The following CACNA1C variants were observed in gnomAD, a reference collection of about 807,000 sequenced individuals.
CACNA1C encodes the protein calcium voltage-gated channel subunit alpha1 C.
CACNA1C carries 30 observed loss-of-function variants against 229.0 expected under a neutral mutation model. The observed-to-expected ratio is 0.13, with a 90% CI of 0.10 to 0.18. The LOEUF (loss-of-function observed/expected upper bound fraction) is 0.18, where lower values mean the gene tolerates loss of function less well. CACNA1C is among the 10% of genes least tolerant of loss of function. The pLI is 1.00. For synonymous variants in CACNA1C, 1,114 were observed against 1,132.5 expected, an observed-to-expected ratio of 0.98 and a Z score of 0.33; for missense variants, 1,658 against 2,845.0, an observed-to-expected ratio of 0.58 and a Z score of 9.49.
chr12:2,115,171 G>T, intron 1 of CACNA1C, 53 bp from the exon 2 acceptor site: 1 of 1,332,266 alleles, frequency 7.5e-7, no homozygotes, highest in Non-Finnish European at 1.0e-6. Context: ...AGTGTCGGAA[G>T]TGCCCCTGTT....
intron 7 of CACNA1C, among the ~76,000 whole-genome samples, chr12:2,497,352 T>G (rs1049266589): frequency 6.6e-6 from 1 of 152,182 alleles, no homozygotes; most frequent in Admixed American, 6.5e-5. Flanking sequence ...CCCCTGCTCA[T>G]GGGAAACAGA....
intron 1 of CACNA1C, among the ~76,000 whole-genome samples, chr12:2,017,608 C>G (rs2067490): frequency 0.31 from 47,380 of 151,684 alleles, 7,534 homozygotes; most frequent in Admixed American, 0.35. Flanking sequence ...TTGCCAGATA[C>G]CCACTAAACA....
chr12:2,418,177 C>T lies in CACNA1C; in HGVS notation c.478-30799C>T, dbSNP rs571287587. Among the ~76,000 whole-genome samples the T allele has an allele frequency of 6.0e-4, 91 of 152,284 alleles. 2 individuals are homozygous for T. In the South Asian group the frequency reaches 0.019, roughly 31 times the overall value. On this transcript the variant is annotated intron_variant, in intron 3 of 46. Coordinates refer to ENST00000399655, the MANE Select transcript of CACNA1C (RefSeq NM_000719.7). ...AACCCTAGCATTACGGCAGGCATCT[C>T]CCAGGCTGGCTTCTCCTGGGCTGCG...
At chr12:2,419,804 G>A (rs977091444) in intron 3 of CACNA1C, among the ~76,000 whole-genome samples, 21 of 152,194 alleles carry the variant, frequency 1.4e-4, no homozygotes, top group African/African-American at 4.6e-4. Context: ...CCCCCTAAGA[G>A]ATTTTGACTC....
intron 3 of CACNA1C, among the ~76,000 whole-genome samples, chr12:2,134,609 T>G (rs2093008415): frequency 7.3e-6 from 1 of 137,376 alleles, no homozygotes; most frequent in African/African-American, 2.7e-5. Context: ...GGAAATTCTT[T>G]TCTTTAAGAA....
chr12:2,295,192 G>T (rs1331746026), intron 3 of CACNA1C, among the ~76,000 whole-genome samples: 1 of 152,122 alleles, frequency 6.6e-6, no homozygotes, highest in Non-Finnish European at 1.5e-5. Context: ...ACATCCTTAA[G>T]CCCTTAGCAG....
At chr12:2,609,832 T>C (rs952391113) in intron 27 of CACNA1C, among the ~76,000 whole-genome samples, 2 of 151,852 alleles carry the variant, frequency 1.3e-5, no homozygotes, top group Non-Finnish European at 2.9e-5. Flanking sequence ...TAAGAAAGAT[T>C]GATTTAGTTG....
intron 1 of CACNA1C, among the ~76,000 whole-genome samples, chr12:2,079,204 C>T (rs962043164): frequency 6.6e-6 from 1 of 151,890 alleles, no homozygotes; most frequent in African/African-American, 2.4e-5. Flanking sequence ...GGGTGCAGCA[C>T]ACCAACATGG....
At chr12:2,476,719 G>T (rs981923784) in intron 5 of CACNA1C, among the ~76,000 whole-genome samples, 1 of 152,040 alleles carries the variant, frequency 6.6e-6, no homozygotes, top group Non-Finnish European at 1.5e-5. Flanking sequence ...AATTTATTGG[G>T]GAACCAGTTA....
chr12:2,611,907 A>G lies in CACNA1C; in HGVS notation c.3722A>G (p.Tyr1241Cys). 6.2e-7 allele frequency: 1 copy of G among 1,605,866 alleles called. No individual in the cohort carries two copies. The highest frequency in any genetic ancestry group is 1.1e-5 in the South Asian group (1 of 90,880). ...LNTICLAMQH[Y>C]GQSCLFKIAM... ...TCCTCCCCTCTCCTGATGCAGCACT[A>G]CGGCCAGAGCTGCCTGTTCAAAATC... Residue 1241 changes from tyrosine (Y) to cysteine (C), a missense_variant, in exon 29 of 47, where the codon TAC becomes TGC. Physicochemically the swap from Tyr to Cys is radical, Grantham distance 194 (BLOSUM62 -2). Coordinates refer to ENST00000399655, the MANE Select transcript of CACNA1C (RefSeq NM_000719.7).
chr12:2,262,443 G>C (rs375619299), intron 3 of CACNA1C, among the ~76,000 whole-genome samples: 1 of 152,214 alleles, frequency 6.6e-6, no homozygotes, highest in Non-Finnish European at 1.5e-5. Flanking sequence ...CAATCAAAAG[G>C]CAGGCTCAGT....
At chr12:2,217,372 C>T (rs1461910228) in intron 3 of CACNA1C, 1 of 152,108 alleles carries the variant, frequency 6.6e-6, no homozygotes, top group Non-Finnish European at 1.5e-5. Context: ...GTTTTTAATG[C>T]TACTAAATTG....
chr12:2,600,183 A>G (rs750465665), intron 21 of CACNA1C, among the ~76,000 whole-genome samples: 1 of 152,140 alleles, frequency 6.6e-6, no homozygotes, highest in Non-Finnish European at 1.5e-5. Flanking sequence ...GAGCCTCCTG[A>G]GTCCAGTCTG....
At position 2,086,111 on chromosome 12, in the gene CACNA1C, C is replaced by G. The variant is rs560655872; in HGVS notation, c.50-29113C>G. Among the ~76,000 whole-genome samples, 21 of 152,220 alleles carry G rather than the reference C, an allele frequency of 1.4e-4. 1 individual carries two copies. In the South Asian group the frequency reaches 3.9e-3, roughly 29 times the overall value. ...TAAGTGTACCCATTGGAAAACTCAT[C>G]ACTACATGGTAGACTGTTTGTCTGC... On this transcript the variant is annotated intron_variant, in intron 1 of 46. Coordinates refer to ENST00000399655, the MANE Select transcript of CACNA1C (RefSeq NM_000719.7).
At chr12:2,161,227 T>G (rs1178441766) in intron 3 of CACNA1C, among the ~76,000 whole-genome samples, 1 of 152,034 alleles carries the variant, frequency 6.6e-6, no homozygotes, top group African/African-American at 2.4e-5. Flanking sequence ...CTTATGTGAT[T>G]GACAAGACCT....
At chr12:2,117,467 A>T (rs1412794847) in intron 2 of CACNA1C, among the ~76,000 whole-genome samples, 1 of 152,146 alleles carries the variant, frequency 6.6e-6, no homozygotes, top group African/African-American at 2.4e-5. Flanking sequence ...GGAGTCAGGG[A>T]GTGGGAGAGC....
intron 3 of CACNA1C, among the ~76,000 whole-genome samples, chr12:2,136,471 T>C (rs542522751): frequency 6.6e-6 from 1 of 151,558 alleles, no homozygotes; most frequent in South Asian, 2.1e-4. Flanking sequence ...TTAACTGCTA[T>C]GCTGTGTGGC....
intron 3 of CACNA1C, among the ~76,000 whole-genome samples, chr12:2,315,090 G>T (rs940751380): frequency 5.3e-5 from 8 of 152,254 alleles, no homozygotes; most frequent in African/African-American, 1.7e-4. Context: ...TCTTTTGACG[G>T]ACATGAGAGA....
At chr12:2,674,516 G>A in intron 38 of CACNA1C, 25 bp from the exon 39 acceptor site, 1 of 1,551,066 alleles carries the variant, frequency 6.4e-7, no homozygotes, top group Non-Finnish European at 8.7e-7. Context: ...CCACCAAGGG[G>A]CTGAGGATCC....
Sources: allele counts gnomAD v4.1 joint callset (sites outside exome capture counted in the v4.1 genomes callset), GRCh38; gene constraint gnomAD v4.1.1; transcripts MANE v1.5; gene names NCBI Gene and HGNC (gene_info 2026-07-23, HGNC 2026-07-21).